The following OLA1 variants were observed in gnomAD, a reference collection of about 807,000 sequenced individuals.
OLA1 encodes obg-like ATPase 1.
OLA1 carries 14 observed loss-of-function variants against 48.4 expected under a neutral mutation model. That is an observed-to-expected ratio of 0.29 (90% CI 0.19 to 0.45). The LOEUF is 0.45. OLA1 is among the 20% of genes least tolerant of loss of function. OLA1 has a pLI of 1.00. For synonymous variants in OLA1, 127 were observed against 150.4 expected (o/e 0.84, Z 1.14); for missense variants, 325 against 467.1 (o/e 0.70, Z 2.80).
chr2:174,211,180 AACACACAC>A (rs10563036), intron 4 of OLA1, among the ~76,000 whole-genome samples: 2 of 148,768 alleles, frequency 1.3e-5, no homozygotes, highest in East Asian at 2.0e-4. Context: ...TCCTCCCCAC[AACACACAC>A]ACACACACAC....
chr2:174,161,679 A>T (rs1476015281), intron 4 of OLA1, among the ~76,000 whole-genome samples: 1 of 66,198 alleles, frequency 1.5e-5, no homozygotes, highest in African/African-American at 4.7e-5. Flanking sequence ...AAAAAAAAAA[A>T]ATACACACAC....
At chr2:174,242,023 T>C (rs1395324044) in intron 2 of OLA1, among the ~76,000 whole-genome samples, 2 of 152,246 alleles carry the variant, frequency 1.3e-5, no homozygotes, top group African/African-American at 2.4e-5. Context: ...TTCTTGTGAC[T>C]AAATTCTGGA....
rs1293107932 is a variant in OLA1, at chr2:174,095,343, TTTTTTTG to T, written c.729-13286_729-13280del. ...ATTTCCTGTTTTTTTTTTTTTTTTT[TTTTTTTG>T]TTGTTGTTGTTGTTTTTATAGTGGC... On this transcript the variant is annotated intron_variant, in intron 7 of 10. Coordinates refer to ENST00000284719, the MANE Select transcript of OLA1 (RefSeq NM_013341.5). Among the ~76,000 whole-genome samples, 89 of 124,412 alleles carry T rather than the reference TTTTTTTG, an allele frequency of 7.2e-4. 1 individual carries two copies. Among genetic ancestry groups the T allele is most frequent in the African/African-American group, 2.4e-3 (84 of 34,866 alleles). 81.6% of individuals were successfully genotyped at this position (124,412 alleles called of 152,430 possible).
At chr2:174,178,292 C>T (rs1447961977) in intron 4 of OLA1, among the ~76,000 whole-genome samples, 1 of 151,874 alleles carries the variant, frequency 6.6e-6, no homozygotes, top group Non-Finnish European at 1.5e-5. Context: ...TTAAAAACAC[C>T]TATTTTCTAT....
At chr2:174,175,868 G>A (rs1355963094) in intron 4 of OLA1, among the ~76,000 whole-genome samples, 4 of 151,946 alleles carry the variant, frequency 2.6e-5, no homozygotes, top group African/African-American at 7.2e-5. Flanking sequence ...TAATAAGAAA[G>A]TATTAACGTA....
chr2:174,161,164 T>C (rs1472420152), intron 4 of OLA1, among the ~76,000 whole-genome samples: 1 of 152,154 alleles, frequency 6.6e-6, no homozygotes, highest in Non-Finnish European at 1.5e-5. Context: ...TCCAACTATA[T>C]CACATACATA....
chr2:174,155,628 T>C (rs889262439), intron 4 of OLA1, among the ~76,000 whole-genome samples: 50 of 152,174 alleles, frequency 3.3e-4, no homozygotes, highest in African/African-American at 1.2e-3. Context: ...GTGTTTGCAT[T>C]AGATTACATA....
intron 7 of OLA1, among the ~76,000 whole-genome samples, chr2:174,090,311 T>C (rs1392778823): frequency 6.6e-6 from 1 of 152,140 alleles, no homozygotes; most frequent in Non-Finnish European, 1.5e-5. Context: ...AAATGACGAG[T>C]GTTACAACAG....
At chr2:174,205,421 T>A (rs1179962548) in intron 4 of OLA1, among the ~76,000 whole-genome samples, 1 of 152,118 alleles carries the variant, frequency 6.6e-6, no homozygotes, top group Non-Finnish European at 1.5e-5. Context: ...TTCCCAGAAA[T>A]CTATAAAGTA....
intron 4 of OLA1, among the ~76,000 whole-genome samples, chr2:174,155,265 A>G (rs1339757394): frequency 1.3e-5 from 2 of 152,198 alleles, no homozygotes; most frequent in Non-Finnish European, 2.9e-5. Context: ...GAGCAAAAAT[A>G]CAAGTGAAGA....
rs551496932 is a variant in OLA1 at position 174,081,729 on chromosome 2, C to T, written c.869+195G>A. On this transcript the variant is annotated intron_variant, in intron 8 of 10. Coordinates refer to ENST00000284719, the MANE Select transcript of OLA1 (RefSeq NM_013341.5). ...CCTATGTTATAATTAAAACACTGTA[C>T]GGAGATGACAGATGACAGTTAAAAA... Among the ~76,000 whole-genome samples the T allele has an allele frequency of 5.9e-5, 9 of 152,042 alleles. 1 individual carries two copies. The highest frequency in any genetic ancestry group is 1.4e-4 in the African/African-American group (6 of 41,468).
rs201305068 is a variant in OLA1 at position 174,174,757 on chromosome 2, C to CT, written c.374-32758dup. On this transcript the variant is annotated intron_variant, in intron 4 of 10. Coordinates refer to ENST00000284719, the MANE Select transcript of OLA1 (RefSeq NM_013341.5). ...CAAAAATCAATGAAATTCCAGCAAG[C>CT]TTTTTTTTCAGGTTCTTAAATTTAT... Among the ~76,000 whole-genome samples, 4 of 151,510 alleles carry CT rather than the reference C, an allele frequency of 2.6e-5. No individual in the cohort carries two copies. The East Asian group carries it at 5.8e-4, about 22-fold the overall frequency.
intron 7 of OLA1, among the ~76,000 whole-genome samples, 180 bp downstream of exon 7, chr2:174,123,000 A>T (rs1447476836): frequency 6.6e-6 from 1 of 152,186 alleles, no homozygotes; most frequent in Non-Finnish European, 1.5e-5. Context: ...TCTCTAAGTC[A>T]ATTAGAAGAC....
Position 174,074,208 on chromosome 2 carries a change from T to G in OLA1, c.*1218A>C, listed in dbSNP as rs1359598868. Reference sequence around the variant, plus strand: ...AAGGCTGGCTGGGTATGAATCTGCATTCCATGGAAATGGTCCTGTGATCAC... The same window carrying G: ...AAGGCTGGCTGGGTATGAATCTGCAGTCCATGGAAATGGTCCTGTGATCAC... On this transcript the variant is annotated 3_prime_UTR_variant, in exon 11 of 11. Coordinates refer to ENST00000284719, the MANE Select transcript of OLA1 (RefSeq NM_013341.5). The G allele has an allele frequency of 6.6e-6, 1 of 152,124 alleles. No individual in the cohort carries two copies. The highest frequency in any genetic ancestry group is 1.9e-4 in the East Asian group (1 of 5,182). The allele number at this position is 152,124 out of a possible 1,614,324, so 9.4% of individuals were successfully genotyped here.
intron 4 of OLA1, among the ~76,000 whole-genome samples, chr2:174,169,762 G>A (rs1436118549): frequency 1.3e-5 from 2 of 152,254 alleles, no homozygotes; most frequent in African/African-American, 4.8e-5. Flanking sequence ...CTTAGTAAGT[G>A]CAAAAGGCTT....
At chr2:174,128,854 G>A (rs1686107312) in intron 5 of OLA1, among the ~76,000 whole-genome samples, 1 of 152,158 alleles carries the variant, frequency 6.6e-6, no homozygotes. Context: ...TCATTAAGAT[G>A]AGATATATCT....
intron 4 of OLA1, among the ~76,000 whole-genome samples, chr2:174,145,764 T>C (rs1408084486): frequency 6.6e-6 from 1 of 152,250 alleles, no homozygotes; most frequent in Non-Finnish European, 1.5e-5. Context: ...TGAGTAATTA[T>C]GTATAAAGTA....
At chr2:174,118,015 G>A (rs1008449061) in intron 7 of OLA1, among the ~76,000 whole-genome samples, 6 of 152,138 alleles carry the variant, frequency 3.9e-5, no homozygotes, top group African/African-American at 1.4e-4. Context: ...GGCTGGGGAG[G>A]CCTCAGGAAA....
chr2:174,126,439 G>A (rs1686045812), intron 5 of OLA1, among the ~76,000 whole-genome samples: 1 of 152,090 alleles, frequency 6.6e-6, no homozygotes, highest in Non-Finnish European at 1.5e-5. Context: ...AAATTGGGCT[G>A]TTTTGGTAAC....
Sources: gnomAD v4.1 joint callset for allele counts (sites outside exome capture counted in the v4.1 genomes callset) on GRCh38, gnomAD v4.1.1 for gene constraint, MANE v1.5 for transcripts, NCBI Gene and HGNC (gene_info 2026-07-23, HGNC 2026-07-21) for gene names.